CRB1: variants seen among roughly 807,000 people sequenced by gnomAD.
CRB1 encodes protein crumbs homolog 1.
In CRB1, 83 loss-of-function variants were observed where a neutral mutation model predicts 120.0. The observed-to-expected ratio is 0.69, with a 90% CI of 0.58 to 0.83. CRB1 has a LOEUF of 0.83. CRB1 is among the 40% of genes least tolerant of loss of function. The pLI is 0.00. For missense variants in CRB1, 1,699 were observed against 1,687.6 expected (o/e 1.01, Z -0.12); for synonymous variants, 625 against 612.5 (o/e 1.02, Z -0.30).
At chr1:197,351,928 A>T (rs557978683) in intron 4 of CRB1, among the ~76,000 whole-genome samples, 1 of 152,110 alleles carries the variant, frequency 6.6e-6, no homozygotes, top group Non-Finnish European at 1.5e-5. Context: ...ACTACAAACT[A>T]CTCTATATCT....
Position 197,298,904 on chromosome 1 carries a change from A to G in CRB1, c.71-29518A>G, listed in dbSNP as rs181789322. 5.3e-4 allele frequency among the ~76,000 whole-genome samples: 81 copies of G among 152,276 alleles called. 2 individuals are homozygous for G. Among genetic ancestry groups the G allele is most frequent in the African/African-American group, 1.9e-3 (79 of 41,586 alleles). On this transcript the variant is annotated intron_variant, in intron 1 of 11. Coordinates refer to ENST00000367400, the MANE Select transcript of CRB1 (RefSeq NM_201253.3). ...AAATTAATTACATGGGAAAAGCAAA[A>G]ACTTTATACTTTACAAAAGCAAAAG...
intron 5 of CRB1, among the ~76,000 whole-genome samples, chr1:197,389,273 T>G (rs1662371208): frequency 6.6e-6 from 1 of 152,148 alleles, no homozygotes; most frequent in Non-Finnish European, 1.5e-5. Context: ...TGTCCATCAA[T>G]AGATGACTGG....
chr1:197,223,231 A>T, the CRB1 span: 1 of 1,141,982 alleles, frequency 8.8e-7, no homozygotes. Flanking sequence ...ATAGGATTAC[A>T]AACCAGAAGA....
chr1:197,339,922 G>T (rs924525136), intron 2 of CRB1, among the ~76,000 whole-genome samples: 6 of 152,196 alleles, frequency 3.9e-5, no homozygotes, highest in African/African-American at 1.4e-4. Flanking sequence ...TTGCCTTCCT[G>T]TAGAGGTGGT....
chr1:197,316,955 T>A (rs553533421), intron 1 of CRB1, among the ~76,000 whole-genome samples: 9 of 151,010 alleles, frequency 6.0e-5, no homozygotes, highest in African/African-American at 1.9e-4. Flanking sequence ...AGTAATAAAT[T>A]TAACCAAGGA....
rs1356905582 is a variant in CRB1, at chr1:197,277,156, A to C, written c.70+8674A>C. ...ATAAAAGTTTTCATTCTACCTTTAA[A>C]ATTTTTTCAGGGTAAAATGTTTATA... On this transcript the variant is annotated intron_variant, in intron 1 of 11. Coordinates refer to ENST00000367400, the MANE Select transcript of CRB1 (RefSeq NM_201253.3). Among the ~76,000 whole-genome samples the C allele has an allele frequency of 2.6e-5, 4 of 151,920 alleles. No individual in the cohort carries two copies. In the East Asian group the frequency reaches 5.8e-4, roughly 22 times the overall value.
chr1:197,251,214 C>A, the CRB1 span, among the ~76,000 whole-genome samples: 1 of 151,950 alleles, frequency 6.6e-6, no homozygotes, highest in Non-Finnish European at 1.5e-5. Context: ...TTTTGGTTTC[C>A]TTACCTGTAA....
chr1:197,333,222 G>C (rs1022685238), intron 2 of CRB1, among the ~76,000 whole-genome samples: 1 of 152,194 alleles, frequency 6.6e-6, no homozygotes, highest in Non-Finnish European at 1.5e-5. Flanking sequence ...ATTCTCCTCT[G>C]TGCACTCCAT....
chr1:197,411,462 T>A (rs1039993563), intron 5 of CRB1, among the ~76,000 whole-genome samples: 2 of 152,206 alleles, frequency 1.3e-5, no homozygotes, highest in Non-Finnish European at 2.9e-5. Context: ...ATAAGTTGTA[T>A]CTCTTCTATC....
At chr1:197,417,736 C>T (rs1038649846) in intron 5 of CRB1, among the ~76,000 whole-genome samples, 1 of 152,168 alleles carries the variant, frequency 6.6e-6, no homozygotes, top group Non-Finnish European at 1.5e-5. Context: ...CATATTGTAT[C>T]AGTCAAGTGA....
intron 2 of CRB1, among the ~76,000 whole-genome samples, chr1:197,340,055 C>T (rs1659363468): frequency 1.3e-5 from 2 of 152,144 alleles, no homozygotes; most frequent in Non-Finnish European, 2.9e-5. Flanking sequence ...AGGCCCTGAC[C>T]TCAAGGAGCT....
At chr1:197,286,089 C>A (rs939811500) in intron 1 of CRB1, among the ~76,000 whole-genome samples, 1 of 151,682 alleles carries the variant, frequency 6.6e-6, no homozygotes, top group African/African-American at 2.4e-5. Context: ...CCCTTCATGG[C>A]TTTTTAAAGG....
the CRB1 span, among the ~76,000 whole-genome samples, chr1:197,253,752 G>C: frequency 6.6e-6 from 1 of 151,936 alleles, no homozygotes; most frequent in African/African-American, 2.4e-5. Flanking sequence ...AAATTTCTTT[G>C]TTTTGAATTT....
chr1:197,415,363 T>C (rs1452166154), intron 5 of CRB1, among the ~76,000 whole-genome samples: 1 of 152,180 alleles, frequency 6.6e-6, no homozygotes, highest in African/African-American at 2.4e-5. Context: ...CATGTTGGTT[T>C]TCTGTCCAAC....
At chr1:197,459,137 T>C (rs1230578658) in intron 11 of CRB1, among the ~76,000 whole-genome samples, 1 of 152,036 alleles carries the variant, frequency 6.6e-6, no homozygotes, top group Non-Finnish European at 1.5e-5. Flanking sequence ...CAGGAAATAG[T>C]AGGATATAGA....
In CRB1 at chr1:197,357,018, G is replaced by A; in HGVS notation, c.1171+5G>A. On this transcript the variant is annotated splice_donor_5th_base_variant and intron_variant, in intron 5 of 11. Coordinates refer to ENST00000367400, the MANE Select transcript of CRB1 (RefSeq NM_201253.3). The stretch of plus-strand genomic sequence containing the variant: ...TCTGTCAGCCTGGATTCACAGGTGA[G>A]GCCAAGGAGATGGGATATGACTTGA... The A allele has an allele frequency of 1.2e-6, 2 of 1,614,130 alleles. No individual in the cohort carries two copies. Among genetic ancestry groups the A allele is most frequent in the South Asian group, 2.2e-5 (2 of 91,072 alleles).
intron 5 of CRB1, among the ~76,000 whole-genome samples, chr1:197,405,500 C>G (rs911671666): frequency 6.6e-6 from 1 of 152,092 alleles, no homozygotes; most frequent in Non-Finnish European, 1.5e-5. Context: ...GCCGCCACCC[C>G]GTCTGGGAAG....
chr1:197,349,411 A>G (rs932643194), intron 4 of CRB1, among the ~76,000 whole-genome samples: 1 of 152,238 alleles, frequency 6.6e-6, no homozygotes, highest in Non-Finnish European at 1.5e-5. Context: ...TTTTGATAAA[A>G]ATAAAAGACA....
chr1:197,273,410 T>A (rs1472225908), intron 1 of CRB1, among the ~76,000 whole-genome samples: 2 of 152,126 alleles, frequency 1.3e-5, no homozygotes, highest in East Asian at 3.9e-4. Context: ...TTATCAGGTT[T>A]CCCTGATAAC....
Sources: allele counts gnomAD v4.1 joint callset (sites outside exome capture counted in the v4.1 genomes callset), GRCh38; gene constraint gnomAD v4.1.1; transcripts MANE v1.5; gene names NCBI Gene and HGNC (gene_info 2026-07-23, HGNC 2026-07-21).